ABL1: variants seen among roughly 807,000 people sequenced by gnomAD.
The protein encoded by ABL1 is tyrosine-protein kinase ABL1.
Under a neutral mutation model 94.7 loss-of-function variants are expected in ABL1, and 11 were observed. The observed-to-expected ratio is 0.12, with a 90% CI of 0.07 to 0.19. ABL1 has a LOEUF of 0.19. Ranked by LOEUF, ABL1 falls within the 10% of genes least tolerant of loss-of-function variation. The pLI, the probability that ABL1 is intolerant of heterozygous loss-of-function variation, is 1.00. For synonymous variants in ABL1, 656 were observed against 622.4 expected, an observed-to-expected ratio of 1.05 and a Z score of -0.80; for missense variants, 1,082 against 1,489.4, an observed-to-expected ratio of 0.73 and a Z score of 4.50.
chr9:130,721,015 A>AT (rs1564267590), intron 1 of ABL1, among the ~76,000 whole-genome samples: 2 of 151,636 alleles, frequency 1.3e-5, no homozygotes. Context: ...AAAAAAAAAA[A>AT]AATATTTACC....
intron 1 of ABL1, among the ~76,000 whole-genome samples, chr9:130,797,731 T>G (rs1016834969): frequency 7.2e-5 from 11 of 152,224 alleles, no homozygotes; most frequent in Non-Finnish European, 1.6e-4. Context: ...TGGTTAACAT[T>G]TAAATCTTTG....
Position 130,885,402 on chromosome 9 carries a change from G to A in ABL1, c.3112G>A (p.Ala1038Thr), listed in dbSNP as rs914391166. The change falls in exon 11 of 11, where the codon GCG (alanine) becomes ACG (threonine). Residue 1038 changes from alanine to threonine, a missense_variant. Ala to Thr is a moderately conservative substitution (Grantham distance 58). This residue lies in a region of ABL1 where 780 missense variants were observed against 835.8 expected (regional missense o/e 0.93). Transcript: ENST00000318560. ...TKGVVLDSTE[A>T]LCLAISRNSE... ...GGGCGTGGTCCTGGACAGCACCGAGGCGCTGTGCCTCGCCATCTCTAGGAA... is the reference window on the plus strand; with the variant it reads ...GGGCGTGGTCCTGGACAGCACCGAGACGCTGTGCCTCGCCATCTCTAGGAA... The A allele has an allele frequency of 6.2e-7, 1 of 1,613,652 alleles. No individual in the cohort carries two copies. Among genetic ancestry groups the A allele is most frequent in the Admixed American group, 1.7e-5 (1 of 60,036 alleles).
At chr9:130,869,285 G>C (rs7848941) in intron 4 of ABL1, among the ~76,000 whole-genome samples, 7 of 152,068 alleles carry the variant, frequency 4.6e-5, no homozygotes, top group Non-Finnish European at 8.8e-5. Flanking sequence ...CTATCTGTTC[G>C]GTCTACTCAG....
At chr9:130,755,529 T>A (rs1483019587) in intron 1 of ABL1, among the ~76,000 whole-genome samples, 1 of 152,186 alleles carries the variant, frequency 6.6e-6, no homozygotes, top group Admixed American at 6.5e-5. Context: ...GTTCGTGGTC[T>A]CTGGAAAGAA....
In ABL1 at chr9:130,835,357, G is replaced by C. The variant is rs1329301785; in HGVS notation, c.-90G>C. Reference sequence around the variant, plus strand: ...GCGGCTGGCGGGGCCGGGGGCGCCGGGGGGGCGCGCGGGCCGAGCCGGGCC... The same window carrying C: ...GCGGCTGGCGGGGCCGGGGGCGCCGCGGGGGCGCGCGGGCCGAGCCGGGCC... On this transcript the variant is annotated 5_prime_UTR_variant, in exon 1 of 11. Transcript: ENST00000318560. The surrounding 1 kb of genome is among the most constrained non-coding windows in gnomAD (Gnocchi z 4.6). 13 of 715,630 alleles carry C rather than the reference G, an allele frequency of 1.8e-5. No individual in the cohort carries two copies. The Admixed American group carries it at 3.1e-4, about 17-fold the overall frequency. The allele number at this position is 715,630 out of a possible 1,614,324, so 44.3% of individuals were successfully genotyped here.
In ABL1 at chr9:130,776,025, A is replaced by G. The variant is rs1349958394; in HGVS notation, c.136+61570A>G. Reference sequence around the variant, plus strand: ...TAATGACATTTTCAGATAAACAAAAACTGATGTCTCCAGCACGGTCTCACA... The same window carrying G: ...TAATGACATTTTCAGATAAACAAAAGCTGATGTCTCCAGCACGGTCTCACA... On this transcript the variant is annotated intron_variant, in intron 1 of 10. Coordinates refer to the ABL1 transcript ENST00000372348. 2.0e-5 allele frequency among the ~76,000 whole-genome samples: 3 copies of G among 152,230 alleles called. No individual in the cohort carries two copies. In the East Asian group the frequency reaches 5.8e-4, roughly 29 times the overall value.
At chr9:130,828,999 T>G (rs1300416088) in intron 1 of ABL1, among the ~76,000 whole-genome samples, 3 of 151,962 alleles carry the variant, frequency 2.0e-5, no homozygotes, top group African/African-American at 7.3e-5. Flanking sequence ...CCTAAAAGTT[T>G]CCAAAGAGAA....
At chr9:130,747,099 G>A (rs1322230980) in intron 1 of ABL1, among the ~76,000 whole-genome samples, 1 of 151,664 alleles carries the variant, frequency 6.6e-6, no homozygotes, top group East Asian at 1.9e-4. Flanking sequence ...CACCCCTGAG[G>A]GAGCATGGCT....
chr9:130,884,318 C>A lies in ABL1; in HGVS notation c.2028C>A (p.Ser676=). 6.2e-7 allele frequency: 1 copy of A among 1,611,622 alleles called. No individual in the cohort carries two copies. The highest frequency in any genetic ancestry group is 8.5e-7 in the Non-Finnish European group (1 of 1,179,280). ...TCCCCAATGGAGCCCTCCGGGAGTC[C>A]GGGGGCTCAGGCTTCCGGTCTCCCC... The part of the protein sequence containing the change: ...AGVPNGALRE[S]GGSGFRSPHL... The change falls in exon 11 of 11, where the codon TCC becomes TCA. Residue 676 remains serine, a synonymous_variant. Transcript: ENST00000318560. The surrounding 1 kb of genome is among the most constrained non-coding windows in gnomAD (Gnocchi z 5.6).
intron 1 of ABL1, among the ~76,000 whole-genome samples, chr9:130,760,261 C>G (rs1281586931): frequency 6.6e-6 from 1 of 152,122 alleles, no homozygotes; most frequent in East Asian, 1.9e-4. Flanking sequence ...TAAACAGTAG[C>G]TCCCTCCTTA....
intron 3 of ABL1, among the ~76,000 whole-genome samples, chr9:130,855,358 A>T (rs1224584627): frequency 6.6e-6 from 1 of 152,150 alleles, no homozygotes; most frequent in East Asian, 1.9e-4. Flanking sequence ...AATAGGAGGA[A>T]TATCTGTTGG....
rs1223357233 is a variant in ABL1 at position 130,762,072 on chromosome 9, G to A, written c.136+47617G>A. 2.0e-5 allele frequency among the ~76,000 whole-genome samples: 3 copies of A among 150,604 alleles called. No homozygotes were observed. In the Admixed American group the frequency reaches 2.0e-4, roughly 10 times the overall value. ...GCAGGAGAATCACTTGAACCTGGGA[G>A]GCGAAGTTTGTGGGGACCCAAGATC... On this transcript the variant is annotated intron_variant, in intron 1 of 10. Transcript: ENST00000372348.
chr9:130,797,271 T>A lies in ABL1; in HGVS notation c.137-56793T>A, dbSNP rs902699330. Among the ~76,000 whole-genome samples, 23 of 120,470 alleles carry A rather than the reference T, an allele frequency of 1.9e-4. 2 individuals carry two copies. In the East Asian group the frequency reaches 2.9e-3, roughly 15 times the overall value. The allele number at this position is 120,470 out of a possible 152,430, so 79.0% of individuals were successfully genotyped here. ...AAAAAAAAAAAAAAAAAAAAGAACT[T>A]TGAATAAACTTCGTTGTGTCATATT... On this transcript the variant is annotated intron_variant, in intron 1 of 10. Transcript: ENST00000372348.
rs1290002499 is a variant in ABL1, at chr9:130,847,272, A to G, written c.80-6792A>G. Among the ~76,000 whole-genome samples, 3 of 152,242 alleles carry G rather than the reference A, an allele frequency of 2.0e-5. 1 individual carries two copies. Among genetic ancestry groups the G allele is most frequent in the Non-Finnish European group, 1.5e-5 (1 of 68,048 alleles). The stretch of plus-strand genomic sequence containing the variant: ...AAGGAGGCTGCAGAAAATGTTCACT[A>G]AAAAAATTTAAGAATAATAGCAGAT... On this transcript the variant is annotated intron_variant, in intron 1 of 10. Transcript: ENST00000318560.
At chr9:130,757,536 CT>C (rs11411714) in intron 1 of ABL1, among the ~76,000 whole-genome samples, 20 of 101,890 alleles carry the variant, frequency 2.0e-4, no homozygotes, top group African/African-American at 3.5e-4. Flanking sequence ...TACTCCAGGC[CT>C]TTTTTTTTTT....
At chr9:130,834,484 A>T (rs79638327), upstream of ABL1, among the ~76,000 whole-genome samples, 1,746 of 152,348 alleles carry the variant, frequency 0.011, 20 homozygotes, top group Middle Eastern at 0.02. Context: ...AGTCCAAACA[A>T]GAGTTTAAAA....
At chr9:130,865,431 A>G (rs1230572743) in intron 4 of ABL1, among the ~76,000 whole-genome samples, 1 of 152,208 alleles carries the variant, frequency 6.6e-6, no homozygotes, top group Non-Finnish European at 1.5e-5. Context: ...TAGTGTAAAT[A>G]TGGGGCATTT....
At chr9:130,745,577 A>G (rs2132719070) in intron 1 of ABL1, among the ~76,000 whole-genome samples, 1 of 151,884 alleles carries the variant, frequency 6.6e-6, no homozygotes, top group South Asian at 2.1e-4. Flanking sequence ...AGGAAATGGA[A>G]CCTCCTGGAG....
intron 1 of ABL1, among the ~76,000 whole-genome samples, chr9:130,730,649 C>A (rs1240851459): frequency 6.6e-6 from 1 of 151,680 alleles, no homozygotes; most frequent in African/African-American, 2.4e-5. Flanking sequence ...TCGGCTCACT[C>A]CAACCTTGAC....
Sources: gnomAD v4.1 joint callset for allele counts (sites outside exome capture counted in the v4.1 genomes callset) on GRCh38, gnomAD v4.1.1 for gene constraint, gnomAD v4.1.1 regional missense constraint, Gnocchi (gnomAD v3.1) non-coding constraint, MANE v1.5 for transcripts, NCBI Gene and HGNC (gene_info 2026-07-23, HGNC 2026-07-21) for gene names.